The following RBFOX1 variants were observed in gnomAD, a reference collection of about 807,000 sequenced individuals.
RBFOX1 encodes the protein RNA binding protein fox-1 homolog 1.
Under a neutral mutation model 57.7 loss-of-function variants are expected in RBFOX1, and 8 were observed. The ratio of observed to expected loss-of-function variants is 0.14; its 90% CI spans 0.08 to 0.25. The LOEUF (loss-of-function observed/expected upper bound fraction) is 0.25. Ranked by LOEUF, RBFOX1 falls within the 10% of genes least tolerant of loss-of-function variation. The pLI, the probability that RBFOX1 is intolerant of heterozygous loss-of-function variation, is 1.00. For synonymous variants in RBFOX1, 326 were observed against 222.4 expected (o/e 1.47, Z -4.15); for missense variants, 611 against 548.5 (o/e 1.11, Z -1.14).
chr16:6,211,816 C>A (rs1341653073), intron 1 of RBFOX1, among the ~76,000 whole-genome samples: 1 of 144,882 alleles, frequency 6.9e-6, no homozygotes, highest in African/African-American at 2.6e-5. Context: ...TAAAGGAATA[C>A]ATCTTTTATT....
chr16:7,146,680 G>T (rs542257301), intron 4 of RBFOX1, among the ~76,000 whole-genome samples: 2 of 152,024 alleles, frequency 1.3e-5, no homozygotes, highest in Non-Finnish European at 2.9e-5. Context: ...TGGGTGCAGT[G>T]GCTCATGCCT....
At chr16:6,372,725 T>C (rs2090623277) in intron 2 of RBFOX1, among the ~76,000 whole-genome samples, 2 of 151,458 alleles carry the variant, frequency 1.3e-5, no homozygotes. Flanking sequence ...GAATGGAGAT[T>C]GGGTGGAAGT....
chr16:7,243,786 G>T (rs1373768247), intron 4 of RBFOX1, among the ~76,000 whole-genome samples: 2 of 152,126 alleles, frequency 1.3e-5, no homozygotes, highest in East Asian at 1.9e-4. Context: ...TTAGGCTCAA[G>T]TGATCCTCCT....
At chr16:5,600,141 A>G (rs1357532563) in exon 3 of RBFOX1, 1 of 150,808 alleles carries the variant, frequency 6.6e-6, no homozygotes, top group Non-Finnish European at 1.5e-5. Context: ...TACAAAAAAA[A>G]AAAAAAAAAA....
At chr16:6,210,143 C>G (rs1249954546) in intron 1 of RBFOX1, among the ~76,000 whole-genome samples, 1 of 151,288 alleles carries the variant, frequency 6.6e-6, no homozygotes, top group Admixed American at 6.6e-5. Context: ...CATGGTGAAA[C>G]CCCATCTCTA....
At chr16:7,313,772 T>C (rs972245629) in intron 4 of RBFOX1, among the ~76,000 whole-genome samples, 1 of 152,114 alleles carries the variant, frequency 6.6e-6, no homozygotes, top group Admixed American at 6.5e-5. Flanking sequence ...AATCCAAGGC[T>C]TAGGTGGGAG....
Position 6,080,131 on chromosome 16 carries a change from G to A in RBFOX1, c.-127+60139G>A, listed in dbSNP as rs558673574. On this transcript the variant is annotated intron_variant, in intron 1 of 15. Transcript: ENST00000550418. ...GCCATGCAGGCATATTTCCACCTTGGTGTGTACTTGATGGGGAGAGGCAAG... is the reference window on the plus strand; with the variant it reads ...GCCATGCAGGCATATTTCCACCTTGATGTGTACTTGATGGGGAGAGGCAAG... 5.3e-5 allele frequency among the ~76,000 whole-genome samples: 8 copies of A among 152,270 alleles called. No individual in the cohort carries two copies. The South Asian group carries it at 1.5e-3, about 28-fold the overall frequency.
chr16:5,833,289 C>T (rs1050096800), intron 3 of RBFOX1, among the ~76,000 whole-genome samples: 46 of 151,998 alleles, frequency 3.0e-4, no homozygotes, highest in Non-Finnish European at 5.4e-4. Flanking sequence ...GTCAGGAGAT[C>T]GAGACCATCC....
chr16:7,242,722 TTGAG>T (rs1198261746), intron 4 of RBFOX1, among the ~76,000 whole-genome samples: 1 of 152,192 alleles, frequency 6.6e-6, no homozygotes, highest in Non-Finnish European at 1.5e-5. Context: ...AGGTTTCTGA[TTGAG>T]TGGCCACGTG....
At chr16:6,550,564 G>C (rs1445363907) in intron 2 of RBFOX1, among the ~76,000 whole-genome samples, 1 of 152,078 alleles carries the variant, frequency 6.6e-6, no homozygotes. Flanking sequence ...GACCTCAAGT[G>C]ATGCACCTGC....
intron 2 of RBFOX1, among the ~76,000 whole-genome samples, chr16:6,364,333 T>A (rs993052222): frequency 6.6e-6 from 1 of 152,184 alleles, no homozygotes; most frequent in Non-Finnish European, 1.5e-5. Flanking sequence ...TTCCCTCTCT[T>A]CTTCCCTCAT....
chr16:6,129,143 G>T (rs776578537), intron 1 of RBFOX1, among the ~76,000 whole-genome samples: 3 of 152,100 alleles, frequency 2.0e-5, no homozygotes, highest in Non-Finnish European at 4.4e-5. Flanking sequence ...TGAATAAACA[G>T]GATCATGTGA....
intron 4 of RBFOX1, among the ~76,000 whole-genome samples, chr16:7,190,291 G>C (rs1389715088): frequency 6.6e-6 from 1 of 152,096 alleles, no homozygotes; most frequent in Non-Finnish European, 1.5e-5. Context: ...CGCAGGAGGC[G>C]GAGGTTGCAG....
chr16:6,806,817 A>AATATATAT lies in RBFOX1; in HGVS notation c.-16+152180_-16+152187dup, dbSNP rs1250190342. Among the ~76,000 whole-genome samples the AATATATAT allele has an allele frequency of 4.6e-3, 389 of 85,084 alleles. 7 individuals are homozygous for AATATATAT. Among genetic ancestry groups the AATATATAT allele is most frequent in the African/African-American group, 7.8e-3 (177 of 22,668 alleles). The allele number at this position is 85,084 out of a possible 152,430, so 55.8% of individuals were successfully genotyped here. A position where few individuals can be genotyped will look rare whatever the true frequency, so the allele number is the denominator to read the frequency against. On this transcript the variant is annotated intron_variant, in intron 3 of 15. Coordinates refer to ENST00000550418, the MANE Select transcript of RBFOX1 (RefSeq NM_018723.4). ...ATTTATATATATAAATAAATATATA[A>AATATATAT]ATATATATATATATATATATTTTTT...
At chr16:5,708,184 A>C (rs1473145) in intron 3 of RBFOX1, among the ~76,000 whole-genome samples, 144,614 of 152,196 alleles carry the variant, frequency 0.95, 68,733 homozygotes, top group East Asian at 1. Flanking sequence ...ACGTTATCTC[A>C]TGAACTTGAA....
At chr16:6,010,861 G>C (rs753833533) in intron 4 of RBFOX1, among the ~76,000 whole-genome samples, 2 of 151,816 alleles carry the variant, frequency 1.3e-5, no homozygotes, top group Non-Finnish European at 2.9e-5. Context: ...TTTTTCTTTA[G>C]TGGTTCATGT....
In RBFOX1 at chr16:7,039,191, AT is replaced by A. The variant is rs2045420774; in HGVS notation, c.-15-12865del. 2.0e-5 allele frequency among the ~76,000 whole-genome samples: 3 copies of A among 152,214 alleles called. No homozygotes were observed. The South Asian group carries it at 6.2e-4, about 32-fold the overall frequency. ...GAGGACTCTTAGCCATAAATTAAAT[AT>A]GTTAGAGCTTTCAGCATTTGGGTTT... On this transcript the variant is annotated intron_variant, in intron 3 of 15. Coordinates refer to ENST00000550418, the MANE Select transcript of RBFOX1 (RefSeq NM_018723.4).
intron 4 of RBFOX1, among the ~76,000 whole-genome samples, chr16:7,067,692 C>T (rs889189040): frequency 7.9e-6 from 1 of 126,018 alleles, no homozygotes; most frequent in East Asian, 3.1e-4. Flanking sequence ...CCCGTCCCCC[C>T]ACCCCACAAC....
intron 4 of RBFOX1, among the ~76,000 whole-genome samples, chr16:7,497,027 C>G (rs867303996): frequency 3.9e-5 from 6 of 152,058 alleles, no homozygotes; most frequent in Non-Finnish European, 5.9e-5. Context: ...ATTTTATTGC[C>G]TCTCTCCATG....
Sources: gnomAD v4.1 joint callset for allele counts (sites outside exome capture counted in the v4.1 genomes callset) on GRCh38, gnomAD v4.1.1 for gene constraint, MANE v1.5 for transcripts, NCBI Gene and HGNC (gene_info 2026-07-23, HGNC 2026-07-21) for gene names.